PHLDB2: variants seen among roughly 807,000 people sequenced by gnomAD.
The protein encoded by PHLDB2 is pleckstrin homology-like domain family B member 2.
PHLDB2 carries 71 observed loss-of-function variants against 123.6 expected under a neutral mutation model. The observed-to-expected ratio is 0.57, with a 90% CI of 0.47 to 0.70. PHLDB2 has a LOEUF of 0.70. Ranked by LOEUF, PHLDB2 falls within the 30% of genes least tolerant of loss-of-function variation. The pLI is 0.00. For missense variants in PHLDB2, 1,446 were observed against 1,519.5 expected (o/e 0.95, Z 0.80); for synonymous variants, 547 against 541.6 (o/e 1.01, Z -0.14).
intron 5 of PHLDB2, among the ~76,000 whole-genome samples, chr3:111,922,933 C>T (rs1289939962): frequency 6.6e-6 from 1 of 152,132 alleles, no homozygotes; most frequent in African/African-American, 2.4e-5. Flanking sequence ...TCCTATCCCA[C>T]CTTCTTGAGG....
At chr3:111,840,509 T>C (rs2063634811) in intron 1 of PHLDB2, among the ~76,000 whole-genome samples, 1 of 152,194 alleles carries the variant, frequency 6.6e-6, no homozygotes, top group African/African-American at 2.4e-5. Context: ...TGGCTTGTAG[T>C]CTTGTTTACA....
At chr3:111,759,734 G>GCAAA (rs2059961763) in intron 1 of PHLDB2, among the ~76,000 whole-genome samples, 1 of 152,160 alleles carries the variant, frequency 6.6e-6, no homozygotes, top group Non-Finnish European at 1.5e-5. Context: ...CAATTTATAA[G>GCAAA]TGAGCAAACA....
intron 1 of PHLDB2, among the ~76,000 whole-genome samples, chr3:111,817,085 A>G (rs1216865009): frequency 1.3e-5 from 2 of 152,136 alleles, no homozygotes; most frequent in Non-Finnish European, 2.9e-5. Flanking sequence ...GCCATGTGGA[A>G]CTGTAAGTCC....
At chr3:111,933,916 T>C (rs959103337) in intron 6 of PHLDB2, among the ~76,000 whole-genome samples, 1 of 152,224 alleles carries the variant, frequency 6.6e-6, no homozygotes, top group Non-Finnish European at 1.5e-5. Context: ...CCATTTATTG[T>C]GTTCTTTATA....
intron 1 of PHLDB2, among the ~76,000 whole-genome samples, chr3:111,844,982 A>G (rs1399866138): frequency 6.6e-6 from 1 of 152,160 alleles, no homozygotes; most frequent in Non-Finnish European, 1.5e-5. Context: ...CAGATATGTC[A>G]GCTGCAGGAA....
At chr3:111,807,835 C>G (rs991706776) in intron 1 of PHLDB2, among the ~76,000 whole-genome samples, 2 of 152,058 alleles carry the variant, frequency 1.3e-5, no homozygotes, top group African/African-American at 4.8e-5. Flanking sequence ...GAGAATGAAT[C>G]TCACAGATTT....
At chr3:111,824,460 A>G (rs562059347) in intron 1 of PHLDB2, among the ~76,000 whole-genome samples, 2 of 152,190 alleles carry the variant, frequency 1.3e-5, no homozygotes, top group Non-Finnish European at 2.9e-5. Flanking sequence ...CCAAAGAGTT[A>G]TCTAATAACT....
At chr3:111,954,353 A>G (rs550187172) in intron 12 of PHLDB2, among the ~76,000 whole-genome samples, 3 of 152,206 alleles carry the variant, frequency 2.0e-5, no homozygotes, top group Non-Finnish European at 4.4e-5. Context: ...TTACCAGGGC[A>G]CTTAACCAAG....
intron 16 of PHLDB2, among the ~76,000 whole-genome samples, chr3:111,971,947 T>C (rs528965185): frequency 1.7e-4 from 26 of 152,328 alleles, no homozygotes; most frequent in African/African-American, 5.8e-4. Context: ...GATGGCATAA[T>C]ACTGAGAGAG....
In PHLDB2 at chr3:111,859,585, G is replaced by A. The variant is rs2064691308; in HGVS notation, c.-15+9G>A. 7 of 985,438 alleles carry A rather than the reference G, an allele frequency of 7.1e-6. No homozygotes were observed. The highest frequency in any genetic ancestry group is 2.4e-6 in the Non-Finnish European group (2 of 830,034). 61.0% of individuals were successfully genotyped at this position (985,438 alleles called of 1,614,324 possible). On this transcript the variant is annotated intron_variant, in intron 1 of 17. Transcript: ENST00000431670. ...GCTGCACCAATGGCCAGGTGAGGAG[G>A]CGGCGGTGGTCGCCCGGGAGGAGGG...
intron 1 of PHLDB2, among the ~76,000 whole-genome samples, chr3:111,876,014 A>G (rs1443353371): frequency 6.6e-6 from 1 of 152,082 alleles, no homozygotes; most frequent in Non-Finnish European, 1.5e-5. Flanking sequence ...TGCCATCCAA[A>G]TAAAATCACT....
At chr3:111,973,148 A>G (rs1328573225) in intron 16 of PHLDB2, among the ~76,000 whole-genome samples, 1 of 152,122 alleles carries the variant, frequency 6.6e-6, no homozygotes, top group Non-Finnish European at 1.5e-5. Flanking sequence ...CTTTGTTTTT[A>G]TGGTAAATGT....
chr3:111,774,912 T>C (rs959709901), intron 1 of PHLDB2, among the ~76,000 whole-genome samples: 41 of 152,264 alleles, frequency 2.7e-4, no homozygotes, highest in African/African-American at 9.1e-4. Context: ...GAAAATACTC[T>C]CGATGGATTG....
intron 5 of PHLDB2, among the ~76,000 whole-genome samples, chr3:111,930,532 T>C (rs1183290922): frequency 6.6e-6 from 1 of 152,134 alleles, no homozygotes; most frequent in Admixed American, 6.5e-5. Context: ...AATAGGGCAA[T>C]CTTTGATGCA....
At chr3:111,862,107 ACT>A (rs552188019) in intron 1 of PHLDB2, among the ~76,000 whole-genome samples, 41 of 152,228 alleles carry the variant, frequency 2.7e-4, no homozygotes, top group Non-Finnish European at 5.1e-4. Flanking sequence ...CTCCCAAAGT[ACT>A]GGGATTACAG....
At chr3:111,836,855 C>T (rs181521883) in intron 1 of PHLDB2, among the ~76,000 whole-genome samples, 182 of 152,294 alleles carry the variant, frequency 1.2e-3, no homozygotes, top group African/African-American at 4.2e-3. Flanking sequence ...ATCCAATCAT[C>T]TCCCACCAGG....
At chr3:111,880,232 A>G (rs1440315769) in intron 1 of PHLDB2, among the ~76,000 whole-genome samples, 1 of 152,068 alleles carries the variant, frequency 6.6e-6, no homozygotes, top group Admixed American at 6.6e-5. Flanking sequence ...TAGCATTGAC[A>G]GTGCTTTCCA....
At chr3:111,789,892 G>A (rs2060842939) in intron 1 of PHLDB2, among the ~76,000 whole-genome samples, 1 of 152,098 alleles carries the variant, frequency 6.6e-6, no homozygotes, top group African/African-American at 2.4e-5. Context: ...TGGAAACAAT[G>A]ATTCTTTGGT....
chr3:111,756,284 A>T lies in PHLDB2; in HGVS notation c.-49+23581A>T, dbSNP rs370688054. On this transcript the variant is annotated intron_variant, in intron 1 of 17. Coordinates refer to the PHLDB2 transcript ENST00000393923. ...AAGTCTCCCATTATTATTGTGTGGGAGTCTAAGTCTCTTTGTAGGTCACTC... is the reference window on the plus strand; with the variant it reads ...AAGTCTCCCATTATTATTGTGTGGGTGTCTAAGTCTCTTTGTAGGTCACTC... 1.3e-4 allele frequency among the ~76,000 whole-genome samples: 19 copies of T among 151,628 alleles called. No individual in the cohort carries two copies. In the East Asian group the frequency reaches 1.6e-3, roughly 12 times the overall value.
Sources: gnomAD v4.1 joint callset for allele counts (sites outside exome capture counted in the v4.1 genomes callset) on GRCh38, gnomAD v4.1.1 for gene constraint, MANE v1.5 for transcripts, NCBI Gene and HGNC (gene_info 2026-07-23, HGNC 2026-07-21) for gene names.